The following WDR62 variants were observed in gnomAD, a reference collection of about 807,000 sequenced individuals.
The protein encoded by WDR62 is WD repeat-containing protein 62.
A neutral mutation model predicts 160.6 loss-of-function variants in WDR62; 112 were observed. That is an observed-to-expected ratio of 0.70 (90% CI 0.60 to 0.82). The LOEUF (loss-of-function observed/expected upper bound fraction) is 0.82, where lower values mean the gene tolerates loss of function less well. Among genes scored for constraint, WDR62 ranks in the 40% least tolerant of loss-of-function variants. The pLI, the probability that WDR62 is intolerant of heterozygous loss-of-function variation, is 0.00. For missense variants in WDR62, 1,819 were observed against 1,983.8 expected, an observed-to-expected ratio of 0.92 and a Z score of 1.58; for synonymous variants, 792 against 815.1, an observed-to-expected ratio of 0.97 and a Z score of 0.48.
In WDR62 at chr19:36,084,752, C is replaced by T. The variant is rs143309981; in HGVS notation, c.1642+8C>T. 8.9e-3 allele frequency: 14,296 copies of T among 1,612,156 alleles called. 156 individuals carry two copies. Among genetic ancestry groups the T allele is most frequent in the South Asian group, 0.04 (3,656 of 91,040 alleles). ...ACTCCAAGCCAGAGACGGGTGAGCC[C>T]GCAGCAGGGGTGGAATGGGGGTCAG... On this transcript the variant is annotated splice_region_variant and intron_variant, in intron 12 of 31. Transcript: ENST00000401500.
At position 36,084,681 on chromosome 19, in the gene WDR62, C is replaced by A; in HGVS notation, c.1579C>A (p.Leu527Met). 6.2e-7 allele frequency: 1 copy of A among 1,613,840 alleles called. No homozygotes were observed. Among genetic ancestry groups the A allele is most frequent in the East Asian group, 2.2e-5 (1 of 44,872 alleles). ...RIHELHFMDE[L>M]VKVEAHDAEV... ...CCACGAGCTGCACTTCATGGACGAG[C>A]TGGTCAAGGTGGAGGCCCATGATGC... Residue 527 changes from leucine (L) to methionine (M), a missense_variant, in exon 12 of 32, where the codon CTG becomes ATG. By Grantham distance (15) the Leu-to-Met change is conservative (BLOSUM62 2). This residue lies in a region of WDR62 where 934 missense variants were observed against 1,157.2 expected (regional missense o/e 0.81). Coordinates refer to ENST00000401500, the MANE Select transcript of WDR62 (RefSeq NM_001083961.2).
At chr19:36,084,890 C>T (rs1359327077) in intron 12 of WDR62, 146 bp downstream of exon 12, 1 of 759,004 alleles carries the variant, frequency 1.3e-6, no homozygotes, top group African/African-American at 1.7e-5. Flanking sequence ...TAGCTGGACC[C>T]TGAGACCAGA....
intron 7 of WDR62, among the ~76,000 whole-genome samples, chr19:36,068,258 T>C (rs1407931976): frequency 6.6e-6 from 1 of 152,146 alleles, no homozygotes; most frequent in Non-Finnish European, 1.5e-5. Context: ...TACCCTGAAA[T>C]GGGCTCAAGG....
rs770765447 is a variant in WDR62 at position 36,103,784 on chromosome 19, T to C, written c.3956T>C (p.Val1319Ala). The change falls in exon 30 of 32, where the codon GTC (valine) becomes GCC (alanine). Residue 1319 changes from valine (V) to alanine (A), a missense_variant. Val to Ala is a moderately conservative substitution (Grantham distance 64). This residue lies in a region of WDR62 where 770 missense variants were observed against 734.2 expected (regional missense o/e 1.05). Coordinates refer to ENST00000401500, the MANE Select transcript of WDR62 (RefSeq NM_001083961.2). Reference sequence around the variant, plus strand: ...CCCCCCGTGGATACCCAGCCTGGCGTCACCGTCCCTGCAGTGAGCTTCCCA... The same window carrying C: ...CCCCCCGTGGATACCCAGCCTGGCGCCACCGTCCCTGCAGTGAGCTTCCCA... Reference protein sequence around the residue: ...LQPPVDTQPGVTVPAVSFPAP... With the variant: ...LQPPVDTQPGATVPAVSFPAP... 6.2e-7 allele frequency: 1 copy of C among 1,610,058 alleles called. No individual in the cohort carries two copies. The highest frequency in any genetic ancestry group is 8.5e-7 in the Non-Finnish European group (1 of 1,179,658).
chr19:36,057,999 G>A (rs996909435), intron 1 of WDR62, among the ~76,000 whole-genome samples: 2 of 152,090 alleles, frequency 1.3e-5, no homozygotes, highest in African/African-American at 4.8e-5. Context: ...GTAAAACAGG[G>A]GTGATAATAG....
intron 21 of WDR62, among the ~76,000 whole-genome samples, chr19:36,098,940 G>A (rs954094006): frequency 1.3e-5 from 2 of 152,094 alleles, no homozygotes; most frequent in African/African-American, 4.8e-5. Flanking sequence ...CAACAAAATG[G>A]GCTGGGCGCA....
chr19:36,107,907 A>C (rs1253343030), downstream of WDR62, among the ~76,000 whole-genome samples: 2 of 152,146 alleles, frequency 1.3e-5, no homozygotes, highest in African/African-American at 4.8e-5. Context: ...ACAGGGTCCC[A>C]GCAGAAAGAT....
chr19:36,060,321 C>G, intron 3 of WDR62: 1 of 458,204 alleles, frequency 2.2e-6, no homozygotes, highest in South Asian at 2.5e-5. Context: ...TGTCTTCGGG[C>G]AGGTTTGTGG....
Position 36,055,107 on chromosome 19 carries a change from A to G in WDR62, c.136A>G (p.Thr46Ala), listed in dbSNP as rs1274931526. ...CCCACCAATCTGCCTACGGCGGCGG[A>G]CGCGACTCTCGACGGCCTCCGAGGA... ...PAPPICLRRR[T>A]RLSTASEETV... is the part of the protein sequence containing the mutation. Residue 46 changes from threonine (T) to alanine (A), a missense_variant, in exon 1 of 32, where the codon ACG becomes GCG. By Grantham distance (58) the Thr-to-Ala change is moderately conservative. Transcript: ENST00000401500. 6.2e-6 allele frequency: 10 copies of G among 1,605,942 alleles called. No homozygotes were observed. The South Asian group carries it at 1.1e-4, about 18-fold the overall frequency.
chr19:36,095,013 AGAGT>A (rs1439135118), intron 20 of WDR62, among the ~76,000 whole-genome samples: 1 of 152,224 alleles, frequency 6.6e-6, no homozygotes, highest in Non-Finnish European at 1.5e-5. Context: ...CCTGAATAAT[AGAGT>A]GAGATCCTGT....
chr19:36,088,062 G>A (rs960931489), intron 13 of WDR62, among the ~76,000 whole-genome samples: 1 of 152,040 alleles, frequency 6.6e-6, no homozygotes, highest in Admixed American at 6.6e-5. Flanking sequence ...CCTTATATGG[G>A]GCTCACTCCC....
chr19:36,071,972 G>T (rs1020592257), intron 8 of WDR62, among the ~76,000 whole-genome samples: 7 of 152,226 alleles, frequency 4.6e-5, no homozygotes, highest in African/African-American at 1.4e-4. Context: ...GGTCAGCATG[G>T]TGAAGAACAG....
At chr19:36,081,709 C>A in intron 10 of WDR62, 139 bp downstream of exon 10, 2 of 1,066,828 alleles carry the variant, frequency 1.9e-6, no homozygotes, top group Non-Finnish European at 2.8e-6. Flanking sequence ...AAGGCAGGTC[C>A]CTCTCTGCAT....
At chr19:36,107,856 C>T (rs1217627751), downstream of WDR62, among the ~76,000 whole-genome samples, 1 of 152,150 alleles carries the variant, frequency 6.6e-6, no homozygotes, top group Admixed American at 6.6e-5. Flanking sequence ...TAAGAAGCCA[C>T]TGCTGGTGGT....
intron 9 of WDR62, among the ~76,000 whole-genome samples, chr19:36,078,427 C>T (rs1198980703): frequency 6.6e-6 from 1 of 151,948 alleles, no homozygotes; most frequent in South Asian, 2.1e-4. Flanking sequence ...GGATTACAGG[C>T]GTGAGCCACT....
chr19:36,099,505 T>C lies in WDR62; in HGVS notation c.2627T>C (p.Ile876Thr). 1 of 1,614,110 alleles carries C rather than the reference T, an allele frequency of 6.2e-7. No homozygotes were observed. Among genetic ancestry groups the C allele is most frequent in the Middle Eastern group, 1.6e-4 (1 of 6,062 alleles). ...GCCGGCCAAGAGCCCCTCAAGACCA[T>C]CCTGGATGCCCAGGACCTGGATTGC... ...ERAGQEPLKT[I>T]LDAQDLDCYF... is the part of the protein sequence containing the mutation. Residue 876 changes from isoleucine (I) to threonine (T), a missense_variant, in exon 22 of 32, where the codon ATC becomes ACC. Ile to Thr is a moderately conservative substitution (Grantham distance 89, BLOSUM62 -1). Transcript: ENST00000401500.
At position 36,057,889 on chromosome 19, in the gene WDR62, G is replaced by A. The variant is rs1038726672; in HGVS notation, c.178-891G>A. On this transcript the variant is annotated intron_variant, in intron 1 of 31. Transcript: ENST00000401500. ...CTTTGGTCACTACTGTGTCTCTCCT[G>A]TACAGCCCAAAGTGCTAGCTTTGGA... is the stretch of plus-strand genomic sequence containing the variant. Among the ~76,000 whole-genome samples, 4 of 152,174 alleles carry A rather than the reference G, an allele frequency of 2.6e-5. No individual in the cohort carries two copies. The East Asian group carries it at 7.7e-4, about 29-fold the overall frequency.
rs78943646 is a variant in WDR62 at position 36,068,046 on chromosome 19, T to A, written c.882+36T>A. On this transcript the variant is annotated intron_variant, in intron 7 of 31. Transcript: ENST00000401500. ...CCTCTCTGCCATCAGCTGGACAGACTCTTTCTCGTGATATGTGTCTGCAGG... is the reference window on the plus strand; with the variant it reads ...CCTCTCTGCCATCAGCTGGACAGACACTTTCTCGTGATATGTGTCTGCAGG... 0.1 allele frequency: 159,935 copies of A among 1,596,498 alleles called. 9,065 individuals carry two copies. Among genetic ancestry groups the A allele is most frequent in the Admixed American group, 0.24 (13,758 of 57,554 alleles).
chr19:36,092,825 C>G lies in WDR62; in HGVS notation c.2333+14C>G. 7 of 1,613,826 alleles carry G rather than the reference C, an allele frequency of 4.3e-6. No homozygotes were observed. The highest frequency in any genetic ancestry group is 5.9e-6 in the Non-Finnish European group (7 of 1,179,890). ...TGGCCACCCCAGGTCCTGGCAGCCC[C>G]TGCCTGTCCACCAGAGGGATGAGTC... On this transcript the variant is annotated intron_variant, in intron 19 of 31. Coordinates refer to ENST00000401500, the MANE Select transcript of WDR62 (RefSeq NM_001083961.2).
Sources: allele counts gnomAD v4.1 joint callset (sites outside exome capture counted in the v4.1 genomes callset), GRCh38; gene constraint gnomAD v4.1.1; regional missense constraint gnomAD v4.1.1; transcripts MANE v1.5; gene names NCBI Gene and HGNC (gene_info 2026-07-23, HGNC 2026-07-21).